The following NELL1 variants were observed in gnomAD, a reference collection of about 807,000 sequenced individuals.
NELL1 encodes the protein neural EGFL like 1.
Under a neutral mutation model 107.4 loss-of-function variants are expected in NELL1, and 76 were observed. The ratio of observed to expected loss-of-function variants is 0.71; its 90% CI spans 0.59 to 0.86. The LOEUF (loss-of-function observed/expected upper bound fraction) is 0.86, where lower values mean the gene tolerates loss of function less well. Among genes scored for constraint, NELL1 ranks in the 40% least tolerant of loss-of-function variants. The probability of loss-of-function intolerance (pLI) is 0.00; values close to 1 mark genes in which losing one functional copy is unlikely to be tolerated. For synonymous variants in NELL1, 353 were observed against 341.2 expected, an observed-to-expected ratio of 1.03 and a Z score of -0.38; for missense variants, 1,024 against 1,005.5, an observed-to-expected ratio of 1.02 and a Z score of -0.25.
At chr11:21,497,914 C>G (rs988760892) in intron 15 of NELL1, among the ~76,000 whole-genome samples, 13 of 151,518 alleles carry the variant, frequency 8.6e-5, no homozygotes, top group African/African-American at 3.2e-4. Context: ...TTTATTATAC[C>G]CTGTGTCTTT....
chr11:21,282,072 G>A (rs915551887), intron 14 of NELL1, among the ~76,000 whole-genome samples: 1 of 152,062 alleles, frequency 6.6e-6, no homozygotes, highest in South Asian at 2.1e-4. Context: ...CTACAGATGG[G>A]AGAAAATATT....
intron 4 of NELL1, among the ~76,000 whole-genome samples, chr11:20,864,126 AGAG>A (rs1849050597): frequency 6.6e-6 from 1 of 150,958 alleles, no homozygotes; most frequent in African/African-American, 2.4e-5. Context: ...GACTGTGGGG[AGAG>A]GGAGAGGGAG....
At chr11:21,518,029 CA>C (rs1855615309) in intron 15 of NELL1, among the ~76,000 whole-genome samples, 1 of 151,384 alleles carries the variant, frequency 6.6e-6, no homozygotes, top group African/African-American at 2.4e-5. Flanking sequence ...TATGGAGCCA[CA>C]AGCAGACAAA....
At position 21,253,518 on chromosome 11, in the gene NELL1, A is replaced by G. The variant is rs114110807; in HGVS notation, c.1549+24064A>G. ...GTAACTTGCTCAAGGTCATACTACA[A>G]AGACATACTAGAGCTCAGATTCAAA... On this transcript the variant is annotated intron_variant, in intron 14 of 19. Transcript: ENST00000357134. Among the ~76,000 whole-genome samples the G allele has an allele frequency of 7.2e-3, 1,089 of 152,268 alleles. 17 individuals carry two copies. Among genetic ancestry groups the G allele is most frequent in the African/African-American group, 0.024 (1,009 of 41,562 alleles).
At chr11:21,298,721 A>T (rs930291415) in intron 14 of NELL1, among the ~76,000 whole-genome samples, 4 of 151,932 alleles carry the variant, frequency 2.6e-5, no homozygotes, top group African/African-American at 9.7e-5. Context: ...TACCATCTGG[A>T]CCATTCGGTG....
chr11:21,068,974 T>G (rs1853946315), intron 12 of NELL1, among the ~76,000 whole-genome samples: 1 of 152,318 alleles, frequency 6.6e-6, no homozygotes, highest in Admixed American at 6.5e-5. Context: ...ATGTACACAT[T>G]CCTTTGGAGT....
intron 13 of NELL1, among the ~76,000 whole-genome samples, chr11:21,185,456 G>A (rs540117532): frequency 4.8e-4 from 73 of 151,310 alleles, no homozygotes; most frequent in Non-Finnish European, 5.4e-4. Context: ...CACCACACCC[G>A]GCTAATTTTT....
At chr11:21,301,838 G>A (rs1242387994) in intron 14 of NELL1, among the ~76,000 whole-genome samples, 1 of 152,010 alleles carries the variant, frequency 6.6e-6, no homozygotes, top group Admixed American at 6.6e-5. Flanking sequence ...CACAATGATA[G>A]CTAAGGATTT....
intron 15 of NELL1, among the ~76,000 whole-genome samples, chr11:21,382,872 C>G (rs1267995947): frequency 6.6e-6 from 1 of 151,886 alleles, no homozygotes; most frequent in Non-Finnish European, 1.5e-5. Flanking sequence ...GGTTCATATC[C>G]TCATTTTTAA....
At chr11:20,778,775 G>T (rs995119088) in intron 2 of NELL1, among the ~76,000 whole-genome samples, 4 of 152,076 alleles carry the variant, frequency 2.6e-5, no homozygotes, top group South Asian at 2.1e-4. Flanking sequence ...CACCCCCAGG[G>T]TTACAAAATG....
At chr11:21,283,096 A>ACCTAGTAT (rs1179561070) in intron 14 of NELL1, among the ~76,000 whole-genome samples, 4 of 152,084 alleles carry the variant, frequency 2.6e-5, no homozygotes, top group African/African-American at 9.7e-5. Flanking sequence ...AATGAATAAG[A>ACCTAGTAT]CCTAGTATTC....
intron 13 of NELL1, among the ~76,000 whole-genome samples, chr11:21,124,176 ATAT>A (rs1355375275): frequency 6.6e-6 from 1 of 152,178 alleles, no homozygotes; most frequent in Non-Finnish European, 1.5e-5. Flanking sequence ...ACCTATATAC[ATAT>A]TATTATGAGA....
chr11:20,866,205 T>A (rs1251005097), intron 4 of NELL1, among the ~76,000 whole-genome samples: 1 of 152,198 alleles, frequency 6.6e-6, no homozygotes, highest in Non-Finnish European at 1.5e-5. Context: ...GGCTAGAGCA[T>A]TCAGGTCCCC....
At chr11:21,564,589 C>G (rs1020455016) in intron 17 of NELL1, among the ~76,000 whole-genome samples, 2 of 151,716 alleles carry the variant, frequency 1.3e-5, no homozygotes, top group Non-Finnish European at 2.9e-5. Flanking sequence ...ACTATGAAGG[C>G]CAGATAGTGT....
chr11:21,268,046 G>A (rs1227434773), intron 14 of NELL1, among the ~76,000 whole-genome samples: 1 of 152,098 alleles, frequency 6.6e-6, no homozygotes, highest in African/African-American at 2.4e-5. Flanking sequence ...ATTTAGTGAA[G>A]TTAGGTCACA....
rs1178088113 is a variant in NELL1 at position 21,060,098 on chromosome 11, T to C, written c.1301-53491T>C. Among the ~76,000 whole-genome samples the C allele has an allele frequency of 2.0e-5, 3 of 152,166 alleles. No homozygotes were observed. In the East Asian group the frequency reaches 5.8e-4, roughly 29 times the overall value. ...GGTAAATAGGACCTTGGTGTCACTC[T>C]CTGCTTCTGCTAGGAAGACCATGCT... On this transcript the variant is annotated intron_variant, in intron 12 of 19. Transcript: ENST00000357134.
At chr11:20,947,091 C>G (rs565566275) in intron 10 of NELL1, among the ~76,000 whole-genome samples, 2 of 152,072 alleles carry the variant, frequency 1.3e-5, no homozygotes, top group South Asian at 4.2e-4. Flanking sequence ...AATCCTTCTG[C>G]TCCATAGAAG....
chr11:20,715,130 A>G (rs1239323177), intron 2 of NELL1, among the ~76,000 whole-genome samples: 1 of 152,060 alleles, frequency 6.6e-6, no homozygotes, highest in Non-Finnish European at 1.5e-5. Flanking sequence ...CTGTAGTCCC[A>G]GCTACTCGGG....
intron 13 of NELL1, among the ~76,000 whole-genome samples, chr11:21,146,426 G>C (rs1855980017): frequency 6.6e-6 from 1 of 152,204 alleles, no homozygotes; most frequent in Non-Finnish European, 1.5e-5. Context: ...AGGCCAGAGA[G>C]AGCCGGGGTC....
Sources: allele counts gnomAD v4.1 joint callset (sites outside exome capture counted in the v4.1 genomes callset), GRCh38; gene constraint gnomAD v4.1.1; transcripts MANE v1.5; gene names NCBI Gene and HGNC (gene_info 2026-07-23, HGNC 2026-07-21).